Variants in PAX5 observed in about 807,000 individuals in gnomAD.
The protein encoded by PAX5 is paired box protein Pax-5.
In PAX5, 9 loss-of-function variants were observed where a neutral mutation model predicts 43.7. The observed-to-expected ratio is 0.21, with a 90% CI of 0.12 to 0.36. The LOEUF (loss-of-function observed/expected upper bound fraction) is 0.36, where lower values mean the gene tolerates loss of function less well. Among genes scored for constraint, PAX5 ranks in the 10% least tolerant of loss-of-function variants. The probability of loss-of-function intolerance (pLI) is 1.00; values close to 1 mark genes in which losing one functional copy is unlikely to be tolerated. For missense variants in PAX5, 383 were observed against 532.7 expected (o/e 0.72, Z 2.77); for synonymous variants, 228 against 214.3 (o/e 1.06, Z -0.56).
chr9:36,935,694 G>C (rs1292133165), intron 6 of PAX5, among the ~76,000 whole-genome samples: 1 of 152,242 alleles, frequency 6.6e-6, no homozygotes, highest in African/African-American at 2.4e-5. Flanking sequence ...GTCTAATGGA[G>C]CTCAGGAGTG....
intron 6 of PAX5, among the ~76,000 whole-genome samples, chr9:36,960,590 G>T (rs747389448): frequency 3.3e-5 from 5 of 152,186 alleles, no homozygotes; most frequent in African/African-American, 7.2e-5. Flanking sequence ...GCAGGAACAG[G>T]ACGAGAGGCA....
chr9:36,986,474 G>T (rs1836428279), intron 5 of PAX5, among the ~76,000 whole-genome samples: 1 of 152,086 alleles, frequency 6.6e-6, no homozygotes, highest in Non-Finnish European at 1.5e-5. Flanking sequence ...AATGCTTGGC[G>T]GAGGCCGGCG....
chr9:36,870,766 T>G (rs1825413293), intron 8 of PAX5, among the ~76,000 whole-genome samples: 1 of 152,236 alleles, frequency 6.6e-6, no homozygotes, highest in African/African-American at 2.4e-5. Context: ...ACCAACCTCA[T>G]CTTCCAGGAG....
chr9:37,031,551 G>C (rs1345871748), intron 1 of PAX5, among the ~76,000 whole-genome samples: 3 of 152,102 alleles, frequency 2.0e-5, no homozygotes, highest in East Asian at 1.9e-4. Flanking sequence ...TTCTCCAAGG[G>C]GGTCCATGGA....
chr9:37,003,152 C>A (rs1203335839), intron 4 of PAX5, among the ~76,000 whole-genome samples: 5 of 62,536 alleles, frequency 8.0e-5, no homozygotes, highest in African/African-American at 2.7e-4. Context: ...ACAGTCAGTG[C>A]TTAAAAAAAA....
chr9:36,957,138 C>T (rs1230171245), intron 6 of PAX5, among the ~76,000 whole-genome samples: 1 of 152,344 alleles, frequency 6.6e-6, no homozygotes, highest in Middle Eastern at 3.4e-3. Flanking sequence ...CTGTGCCTTG[C>T]GGCTCAGAAG....
rs529085427 is a variant in PAX5 at position 37,027,614 on chromosome 9, C to T, written c.46+6372G>A. ...CTCTGACTGCCTGCGTTGCCGCCGCCGCCGCCGTCGCTAGCCCTCCGCCTG... is the reference window on the plus strand; with the variant it reads ...CTCTGACTGCCTGCGTTGCCGCCGCTGCCGCCGTCGCTAGCCCTCCGCCTG... On this transcript the variant is annotated intron_variant, in intron 1 of 9. Transcript: ENST00000358127. Among the ~76,000 whole-genome samples, 58 of 152,332 alleles carry T rather than the reference C, an allele frequency of 3.8e-4. 1 individual carries two copies. Among genetic ancestry groups the T allele is most frequent in the African/African-American group, 1.3e-3 (55 of 41,588 alleles).
chr9:36,972,088 C>T (rs1328925356), intron 5 of PAX5, among the ~76,000 whole-genome samples: 1 of 152,228 alleles, frequency 6.6e-6, no homozygotes, highest in Non-Finnish European at 1.5e-5. Context: ...TCTGAAATCC[C>T]TCCTAGCATC....
intron 8 of PAX5, among the ~76,000 whole-genome samples, chr9:36,848,487 CTGG>C (rs756445761): frequency 6.6e-6 from 1 of 152,222 alleles, no homozygotes; most frequent in Non-Finnish European, 1.5e-5. Context: ...GTGTCAGGTT[CTGG>C]CATGCAGAGG....
intron 2 of PAX5, among the ~76,000 whole-genome samples, chr9:37,019,125 GCT>G (rs1041091016): frequency 6.6e-6 from 1 of 151,938 alleles, no homozygotes; most frequent in Non-Finnish European, 1.5e-5. Flanking sequence ...AAAGTATTGT[GCT>G]CTCTCTCTCT....
At chr9:37,018,111 G>C (rs1225924211) in intron 2 of PAX5, among the ~76,000 whole-genome samples, 2 of 152,124 alleles carry the variant, frequency 1.3e-5, no homozygotes, top group East Asian at 1.9e-4. Flanking sequence ...CATACAATAG[G>C]GGGAGAATGT....
intron 8 of PAX5, among the ~76,000 whole-genome samples, chr9:36,848,330 C>T (rs377253663): frequency 8.5e-6 from 1 of 118,056 alleles, no homozygotes; most frequent in South Asian, 2.7e-4. Flanking sequence ...CCGCACCTCA[C>T]AACCACAGGC....
At chr9:36,974,666 G>A (rs1835269242) in intron 5 of PAX5, among the ~76,000 whole-genome samples, 1 of 152,116 alleles carries the variant, frequency 6.6e-6, no homozygotes, top group Admixed American at 6.6e-5. Context: ...CAGTATGCAG[G>A]ACAATTCGTG....
chr9:36,911,888 A>G (rs1315006903), intron 7 of PAX5, among the ~76,000 whole-genome samples: 1 of 152,228 alleles, frequency 6.6e-6, no homozygotes, highest in Non-Finnish European at 1.5e-5. Flanking sequence ...TGGGCTCCCC[A>G]GCCCTTGAGA....
At chr9:36,867,502 T>C (rs1825012877) in intron 8 of PAX5, among the ~76,000 whole-genome samples, 1 of 151,670 alleles carries the variant, frequency 6.6e-6, no homozygotes, top group Middle Eastern at 3.2e-3. Context: ...CAATTATACA[T>C]GAAAGGGGCA....
At chr9:36,934,744 T>C (rs1246324363) in intron 6 of PAX5, among the ~76,000 whole-genome samples, 1 of 152,172 alleles carries the variant, frequency 6.6e-6, no homozygotes, top group Non-Finnish European at 1.5e-5. Flanking sequence ...GCCACAGCAC[T>C]TATTATTCTG....
At chr9:36,855,356 C>A (rs1587766928) in intron 8 of PAX5, among the ~76,000 whole-genome samples, 1 of 152,256 alleles carries the variant, frequency 6.6e-6, no homozygotes, top group South Asian at 2.1e-4. Flanking sequence ...CTGGCCCCTG[C>A]AGGCATTTCC....
intron 7 of PAX5, among the ~76,000 whole-genome samples, chr9:36,894,623 A>G (rs888960596): frequency 1.3e-5 from 2 of 152,230 alleles, no homozygotes; most frequent in African/African-American, 4.8e-5. Flanking sequence ...TTATAAAATG[A>G]GGACGATCCT....
At chr9:36,902,654 C>T (rs1828507360) in intron 7 of PAX5, among the ~76,000 whole-genome samples, 1 of 152,158 alleles carries the variant, frequency 6.6e-6, no homozygotes, top group Admixed American at 6.5e-5. Flanking sequence ...GAAGCCACAC[C>T]CTGGCTCCAT....
Sources: allele counts gnomAD v4.1 joint callset (sites outside exome capture counted in the v4.1 genomes callset), GRCh38; gene constraint gnomAD v4.1.1; transcripts MANE v1.5; gene names NCBI Gene and HGNC (gene_info 2026-07-23, HGNC 2026-07-21).